USP10: variants seen among roughly 807,000 people sequenced by gnomAD.
USP10 encodes ubiquitin carboxyl-terminal hydrolase 10.
In USP10, 22 loss-of-function variants were observed where a neutral mutation model predicts 84.5. That is an observed-to-expected ratio of 0.26 (90% CI 0.19 to 0.37). The LOEUF is 0.37. Ranked by LOEUF, USP10 falls within the 10% of genes least tolerant of loss-of-function variation. The pLI is 1.00. For missense variants in USP10, 1,019 were observed against 998.9 expected, an observed-to-expected ratio of 1.02 and a Z score of -0.27; for synonymous variants, 454 against 387.6, an observed-to-expected ratio of 1.17 and a Z score of -2.01.
chr16:84,744,117 C>A (rs1330515175), intron 3 of USP10, among the ~76,000 whole-genome samples: 2 of 150,458 alleles, frequency 1.3e-5, no homozygotes. Context: ...TTTATACTTT[C>A]TAATTTCTCC....
intron 1 of USP10, among the ~76,000 whole-genome samples, chr16:84,728,185 C>G (rs879381979): frequency 3.3e-5 from 5 of 152,194 alleles, no homozygotes; most frequent in Non-Finnish European, 7.4e-5. Flanking sequence ...TAGCAGTTGG[C>G]TGTCCTGAAT....
intron 1 of USP10, among the ~76,000 whole-genome samples, chr16:84,710,442 G>A (rs1217104730): frequency 2.0e-5 from 3 of 152,042 alleles, no homozygotes; most frequent in Non-Finnish European, 2.9e-5. Flanking sequence ...AAAGAAGTAG[G>A]GCATTTCTTT....
At chr16:84,727,121 C>T (rs909985665) in intron 1 of USP10, among the ~76,000 whole-genome samples, 3 of 152,220 alleles carry the variant, frequency 2.0e-5, no homozygotes, top group Non-Finnish European at 2.9e-5. Flanking sequence ...CTAAGCTCTG[C>T]ACTTTCTTTG....
intron 11 of USP10, among the ~76,000 whole-genome samples, chr16:84,772,112 C>T (rs143399690): frequency 6.1e-4 from 93 of 152,100 alleles, no homozygotes; most frequent in Non-Finnish European, 1.1e-3. Context: ...GGTACAGTGG[C>T]GCGAACTTAG....
At chr16:84,756,110 A>T (rs1460348521) in intron 4 of USP10, among the ~76,000 whole-genome samples, 1 of 120,310 alleles carries the variant, frequency 8.3e-6, no homozygotes, top group Non-Finnish European at 1.7e-5. Context: ...CCATCTCCCA[A>T]CACCCCTTCA....
At chr16:84,741,119 C>T (rs1910572233) in intron 3 of USP10, among the ~76,000 whole-genome samples, 1 of 152,226 alleles carries the variant, frequency 6.6e-6, no homozygotes, top group Admixed American at 6.5e-5. Flanking sequence ...ATTCCCTGTT[C>T]AGTTAGCATG....
chr16:84,723,123 G>A (rs1597304088), intron 1 of USP10, among the ~76,000 whole-genome samples: 1 of 150,546 alleles, frequency 6.6e-6, no homozygotes, highest in South Asian at 2.1e-4. Context: ...GACCGGCTCC[G>A]ATACCTTCTG....
chr16:84,760,863 T>C (rs542940457), intron 8 of USP10, among the ~76,000 whole-genome samples: 3 of 152,150 alleles, frequency 2.0e-5, no homozygotes, highest in Admixed American at 6.5e-5. Context: ...TCCTCCCAGA[T>C]TGAGTTTGTG....
At chr16:84,760,065 T>A (rs1164966025) in intron 7 of USP10, 107 bp from the exon 8 acceptor site, 1 of 1,518,118 alleles carries the variant, frequency 6.6e-7, no homozygotes, top group East Asian at 2.3e-5. Context: ...TATGCCATTC[T>A]CAACATTCAG....
At chr16:84,710,591 A>T (rs1007843247) in intron 1 of USP10, among the ~76,000 whole-genome samples, 3 of 152,162 alleles carry the variant, frequency 2.0e-5, no homozygotes. Context: ...AAAAACAAGC[A>T]TCTGTCCCTT....
chr16:84,754,061 T>G (rs1912238119), intron 4 of USP10, among the ~76,000 whole-genome samples: 1 of 152,122 alleles, frequency 6.6e-6, no homozygotes, highest in African/African-American at 2.4e-5. Flanking sequence ...GCGGACTTTG[T>G]TGAGCAGTTG....
chr16:84,772,608 T>C lies in USP10; in HGVS notation c.2066T>C (p.Phe689Ser), dbSNP rs1412837635. 6.2e-7 allele frequency: 1 copy of C among 1,614,046 alleles called. No homozygotes were observed. ...GTCCTCGTGCTGCACCTGAAACGAT[T>C]CGTTTATGAGAAGACTGGTGGGTGC... ...PPVLVLHLKR[F>S]VYEKTGGCQK... Residue 689 changes from phenylalanine to serine, a missense_variant, in exon 12 of 14, where the codon TTC becomes TCC. Coordinates refer to ENST00000219473, the MANE Select transcript of USP10 (RefSeq NM_005153.3).
At chr16:84,767,476 A>G (rs1913987716) in intron 10 of USP10, among the ~76,000 whole-genome samples, 1 of 152,110 alleles carries the variant, frequency 6.6e-6, no homozygotes, top group Non-Finnish European at 1.5e-5. Flanking sequence ...TTCTTTTTGT[A>G]AGACATCTTT....
chr16:84,728,625 G>A (rs960901498), intron 1 of USP10, among the ~76,000 whole-genome samples: 3 of 151,854 alleles, frequency 2.0e-5, no homozygotes, highest in African/African-American at 7.3e-5. Flanking sequence ...CACCGTGTCC[G>A]GCCTCCTTTT....
chr16:84,727,207 GCT>G (rs548669659), intron 1 of USP10, among the ~76,000 whole-genome samples: 2 of 152,118 alleles, frequency 1.3e-5, no homozygotes, highest in South Asian at 4.1e-4. Flanking sequence ...ATTTTATCTT[GCT>G]CTGTTATGGG....
In USP10 at chr16:84,745,583, G is replaced by T. The variant is rs1301578598; in HGVS notation, c.1102G>T (p.Ala368Ser). The change falls in exon 4 of 14, where the codon GCC (alanine) becomes TCC (serine). Residue 368 changes from alanine to serine, a missense_variant. Physicochemically the swap from Ala to Ser is moderately conservative, Grantham distance 99. Transcript: ENST00000219473. ...AYVETKYSPP[A>S]ISPLVSEKQV... ...TGTGGAAACTAAGTATTCCCCTCCC[G>T]CCATATCTCCCCTGGTTTCTGAAAA... 14 of 1,612,096 alleles carry T rather than the reference G, an allele frequency of 8.7e-6. No homozygotes were observed. Among genetic ancestry groups the T allele is most frequent in the African/African-American group, 1.3e-5 (1 of 74,854 alleles).
intron 2 of USP10, among the ~76,000 whole-genome samples, chr16:84,735,122 C>T (rs887705037): frequency 1.3e-5 from 2 of 151,890 alleles, no homozygotes; most frequent in African/African-American, 4.8e-5. Flanking sequence ...GACCCCCCGC[C>T]CCGCCTCAGG....
intron 4 of USP10, among the ~76,000 whole-genome samples, chr16:84,754,259 C>G (rs983280802): frequency 6.6e-6 from 1 of 152,010 alleles, no homozygotes; most frequent in Non-Finnish European, 1.5e-5. Flanking sequence ...CAGAATGATA[C>G]GGTATTTTAG....
intron 11 of USP10, among the ~76,000 whole-genome samples, chr16:84,770,694 C>G (rs1003778009): frequency 4.6e-5 from 7 of 150,590 alleles, no homozygotes; most frequent in African/African-American, 1.5e-4. Flanking sequence ...ATGGCGTGAA[C>G]CTGGGAGGCG....
Sources: allele counts gnomAD v4.1 joint callset (sites outside exome capture counted in the v4.1 genomes callset), GRCh38; gene constraint gnomAD v4.1.1; transcripts MANE v1.5; gene names NCBI Gene and HGNC (gene_info 2026-07-23, HGNC 2026-07-21).